ARMC8: variants seen among roughly 807,000 people sequenced by gnomAD.
The protein encoded by ARMC8 is armadillo repeat-containing protein 8.
In ARMC8, 20 loss-of-function variants were observed where a neutral mutation model predicts 99.3. The ratio of observed to expected loss-of-function variants is 0.20; its 90% CI spans 0.14 to 0.29. ARMC8 has a LOEUF of 0.29. ARMC8 is among the 10% of genes least tolerant of loss of function. The probability of loss-of-function intolerance (pLI) is 1.00; values close to 1 mark genes in which losing one functional copy is unlikely to be tolerated. For missense variants in ARMC8, 569 were observed against 809.5 expected (o/e 0.70, Z 3.60); for synonymous variants, 263 against 278.3 (o/e 0.95, Z 0.55).
chr3:138,264,881 C>T (rs1417792083), intron 14 of ARMC8, among the ~76,000 whole-genome samples: 2 of 150,816 alleles, frequency 1.3e-5, no homozygotes, highest in Admixed American at 6.6e-5. Context: ...TTCTTAGTCT[C>T]GGCAATCCCT....
rs752616284 is a variant in ARMC8, at chr3:138,187,516, C to T, written c.-39C>T. ...GTTGGCTGTCGAAAGTGCCGGCCCC[C>T]GCGCCGGCGCCTGCAGCAGCCGGGT... On this transcript the variant is annotated 5_prime_UTR_variant, in exon 1 of 22. Transcript: ENST00000469044. 1.8e-4 allele frequency: 278 copies of T among 1,534,720 alleles called. No individual in the cohort carries two copies. The highest frequency in any genetic ancestry group is 1.3e-3 in the Middle Eastern group (8 of 6,006).
chr3:138,268,876 G>C (rs1386434807), intron 15 of ARMC8, among the ~76,000 whole-genome samples: 1 of 152,036 alleles, frequency 6.6e-6, no homozygotes, highest in Non-Finnish European at 1.5e-5. Flanking sequence ...ATTAGAGTAT[G>C]GGCTATAGAT....
intron 14 of ARMC8, 65 bp from the exon 15 acceptor site, chr3:138,267,090 A>C: frequency 1.3e-6 from 1 of 789,586 alleles, no homozygotes; most frequent in Non-Finnish European, 2.0e-6. Flanking sequence ...TATATTTTAT[A>C]TCTCATTTTA....
At chr3:138,203,685 C>A (rs933182683) in intron 1 of ARMC8, among the ~76,000 whole-genome samples, 1 of 152,200 alleles carries the variant, frequency 6.6e-6, no homozygotes, top group African/African-American at 2.4e-5. Context: ...TGAGGGATTG[C>A]ACGAGGGCGT....
At chr3:138,288,925 C>A in intron 19 of ARMC8, 123 bp from the exon 20 acceptor site, 1 of 721,728 alleles carries the variant, frequency 1.4e-6, no homozygotes, top group Non-Finnish European at 2.3e-6. Context: ...GCATGAGCCA[C>A]CTCACCTGGC....
At chr3:138,200,716 C>T (rs967282259) in intron 1 of ARMC8, among the ~76,000 whole-genome samples, 2 of 152,070 alleles carry the variant, frequency 1.3e-5, no homozygotes, top group African/African-American at 4.8e-5. Context: ...CTTCCCTTTT[C>T]TCACCTCCAC....
At chr3:138,259,536 G>A (rs2047564249) in intron 12 of ARMC8, among the ~76,000 whole-genome samples, 1 of 152,172 alleles carries the variant, frequency 6.6e-6, no homozygotes, top group South Asian at 2.1e-4. Context: ...TCTTGATGGA[G>A]AAGGTGGACC....
Position 138,262,524 on chromosome 3 carries a change from T to C in ARMC8, c.1135-1215T>C. On this transcript the variant is annotated intron_variant, in intron 12 of 21. Coordinates refer to ENST00000469044, the MANE Select transcript of ARMC8 (RefSeq NM_001363941.2). ...CTCTCTCATGTTCTAAGGTCAGACT[T>C]CTGAATCCTCTCATTTTAGTCTAGG... 1.9e-6 allele frequency: 3 copies of C among 1,612,766 alleles called. 1 individual carries two copies. In the South Asian group the frequency reaches 3.3e-5, roughly 18 times the overall value.
At chr3:138,247,907 A>G (rs1442623082) in intron 12 of ARMC8, among the ~76,000 whole-genome samples, 2 of 152,260 alleles carry the variant, frequency 1.3e-5, no homozygotes, top group South Asian at 2.1e-4. Flanking sequence ...TAAGCACTCA[A>G]TAAATATTTG....
chr3:138,201,509 T>C (rs1367635513), intron 1 of ARMC8, among the ~76,000 whole-genome samples: 4 of 133,226 alleles, frequency 3.0e-5, no homozygotes, highest in Non-Finnish European at 6.2e-5. Flanking sequence ...GTCTCCAGGC[T>C]GGAGTGCAGT....
chr3:138,252,594 C>T (rs2047175612), intron 12 of ARMC8, among the ~76,000 whole-genome samples: 1 of 151,830 alleles, frequency 6.6e-6, no homozygotes, highest in East Asian at 1.9e-4. Flanking sequence ...GCTGAGATTA[C>T]AGGCGCCCGC....
chr3:138,264,488 T>G (rs577239086), intron 14 of ARMC8, among the ~76,000 whole-genome samples: 22 of 142,758 alleles, frequency 1.5e-4, no homozygotes, highest in Non-Finnish European at 2.4e-4. Flanking sequence ...GGCATGATCT[T>G]GGCTCACTGC....
chr3:138,190,066 TTTG>T (rs149943247), intron 1 of ARMC8, among the ~76,000 whole-genome samples: 9,038 of 152,216 alleles, frequency 0.059, 366 homozygotes, highest in Non-Finnish European at 0.093. Context: ...CATTCAGGAC[TTTG>T]TTGTTTTGTG....
chr3:138,243,114 G>A (rs576413518), intron 11 of ARMC8, among the ~76,000 whole-genome samples: 2 of 152,294 alleles, frequency 1.3e-5, no homozygotes, highest in African/African-American at 4.8e-5. Flanking sequence ...AACGCCCTGA[G>A]TTGACCACCC....
chr3:138,225,609 T>C (rs553962981), intron 5 of ARMC8, among the ~76,000 whole-genome samples: 3 of 152,320 alleles, frequency 2.0e-5, no homozygotes, highest in South Asian at 4.1e-4. Flanking sequence ...TGTATGTGTA[T>C]GTGAAAGAAT....
At chr3:138,205,944 G>A (rs1458158472) in intron 1 of ARMC8, among the ~76,000 whole-genome samples, 2 of 152,174 alleles carry the variant, frequency 1.3e-5, no homozygotes, top group African/African-American at 2.4e-5. Flanking sequence ...AGCCACATAC[G>A]TGATTTAAAA....
intron 6 of ARMC8, among the ~76,000 whole-genome samples, chr3:138,232,380 G>A (rs1389936631): frequency 6.6e-6 from 1 of 152,096 alleles, no homozygotes; most frequent in Non-Finnish European, 1.5e-5. Flanking sequence ...GAATTTGACG[G>A]AAAAAAGTAA....
chr3:138,222,013 C>A lies in ARMC8; in HGVS notation c.194+16C>A. 2 of 1,604,908 alleles carry A rather than the reference C, an allele frequency of 1.2e-6. No homozygotes were observed. Among genetic ancestry groups the A allele is most frequent in the East Asian group, 2.2e-5 (1 of 44,754 alleles). On this transcript the variant is annotated intron_variant, in intron 3 of 21. Transcript: ENST00000469044. Reference sequence around the variant, plus strand: ...CTGTTCCAAGGTATGTTTGCTGTCTCACCCCTTTCTTGCCATTCATACTAG... The same window carrying A: ...CTGTTCCAAGGTATGTTTGCTGTCTAACCCCTTTCTTGCCATTCATACTAG...
intron 12 of ARMC8, among the ~76,000 whole-genome samples, chr3:138,259,680 T>C (rs1180436887): frequency 6.6e-6 from 1 of 152,180 alleles, no homozygotes; most frequent in African/African-American, 2.4e-5. Flanking sequence ...AACTTGTGCC[T>C]GAGGGGAAGA....
Sources: gnomAD v4.1 joint callset for allele counts (sites outside exome capture counted in the v4.1 genomes callset) on GRCh38, gnomAD v4.1.1 for gene constraint, MANE v1.5 for transcripts, NCBI Gene and HGNC (gene_info 2026-07-23, HGNC 2026-07-21) for gene names.